PCGF6: variants seen among roughly 807,000 people sequenced by gnomAD.
PCGF6 encodes polycomb group RING finger protein 6.
PCGF6 carries 24 observed loss-of-function variants against 45.5 expected under a neutral mutation model. The observed-to-expected ratio is 0.53, with a 90% CI of 0.38 to 0.74. The LOEUF is 0.74. Among genes scored for constraint, PCGF6 ranks in the 30% least tolerant of loss-of-function variants. The pLI is 0.00. For synonymous variants in PCGF6, 152 were observed against 162.1 expected, an observed-to-expected ratio of 0.94 and a Z score of 0.47; for missense variants, 356 against 443.2, an observed-to-expected ratio of 0.80 and a Z score of 1.77.
chr10:103,310,112 G>A (rs112803498), intron 9 of PCGF6, among the ~76,000 whole-genome samples: 34 of 151,692 alleles, frequency 2.2e-4, no homozygotes, highest in African/African-American at 6.8e-4. Flanking sequence ...CACCATGCCC[G>A]GCTAATTTTT....
At chr10:103,342,471 T>C (rs1490620199) in intron 6 of PCGF6, among the ~76,000 whole-genome samples, 1 of 152,074 alleles carries the variant, frequency 6.6e-6, no homozygotes, top group Non-Finnish European at 1.5e-5. Flanking sequence ...TGACCTCGGG[T>C]AATCTGCCCG....
At chr10:103,329,665 G>A (rs1014674513) in intron 7 of PCGF6, among the ~76,000 whole-genome samples, 14 of 151,522 alleles carry the variant, frequency 9.2e-5, no homozygotes, top group Non-Finnish European at 1.9e-4. Flanking sequence ...TAGAGACAGG[G>A]TTTCACCATG....
At chr10:103,349,257 A>G (rs975942672) in intron 1 of PCGF6, among the ~76,000 whole-genome samples, 1 of 151,720 alleles carries the variant, frequency 6.6e-6, no homozygotes, top group East Asian at 1.9e-4. Context: ...CATGTTGGCC[A>G]GGCTGGTCTC....
chr10:103,345,188 A>C, intron 5 of PCGF6, 56 bp from the exon 6 acceptor site: 1 of 1,247,796 alleles, frequency 8.0e-7, no homozygotes, highest in Admixed American at 2.0e-5. Flanking sequence ...ATAAATTGAG[A>C]TCTTTGGAAA....
In PCGF6 at chr10:103,351,130, A is replaced by G. The variant is rs919043055; in HGVS notation, c.-64T>C. The stretch of plus-strand genomic sequence containing the variant: ...AGCGCGGGAGTTCGGCCGGCCTCGG[A>G]CGCCACCACTGCGCAGGCGCGGCAG... On this transcript the variant is annotated 5_prime_UTR_variant, in exon 1 of 10. Transcript: ENST00000369847. The G allele has an allele frequency of 1.2e-5, 16 of 1,319,880 alleles. No individual in the cohort carries two copies. Among genetic ancestry groups the G allele is most frequent in the Non-Finnish European group, 1.6e-5 (16 of 1,030,812 alleles). 81.8% of individuals were successfully genotyped at this position (1,319,880 alleles called of 1,614,324 possible).
Position 103,333,927 on chromosome 10 carries a change from TA to T in PCGF6, c.807del (p.Phe269LeufsTer20). 6.4e-7 allele frequency: 1 copy of T among 1,560,850 alleles called. No homozygotes were observed. Among genetic ancestry groups the T allele is most frequent in the Non-Finnish European group, 8.6e-7 (1 of 1,158,018 alleles). On this transcript the variant is annotated frameshift_variant, in exon 7 of 10. Coordinates refer to ENST00000369847, the MANE Select transcript of PCGF6 (RefSeq NM_001011663.2). LOFTEE classifies it high-confidence loss of function. ...GAATGAAAAAAAAAGTAAAATACCT[TA>T]AAATGTCCCGTGCCTTCATTAGCAC... ...FIGANEGTGH[F>X]KPLEKKFVRV...
chr10:103,323,445 C>A (rs553462583), intron 8 of PCGF6, among the ~76,000 whole-genome samples: 2 of 151,916 alleles, frequency 1.3e-5, no homozygotes, highest in Non-Finnish European at 2.9e-5. Flanking sequence ...TACAAGCATG[C>A]GCCACCACGC....
At chr10:103,339,808 AAAACACACACACACACAC>A (rs1212195423) in intron 6 of PCGF6, among the ~76,000 whole-genome samples, 28 of 78,026 alleles carry the variant, frequency 3.6e-4, no homozygotes, top group Middle Eastern at 0.012. Context: ...TCTCAAAAAA[AAAACACACACACACACAC>A]ACACACACAC....
chr10:103,342,435 T>C (rs2093284352), intron 6 of PCGF6, among the ~76,000 whole-genome samples: 1 of 152,038 alleles, frequency 6.6e-6, no homozygotes, highest in South Asian at 2.1e-4. Context: ...GGTTTCATCA[T>C]GTTGGTCAGG....
intron 7 of PCGF6, among the ~76,000 whole-genome samples, chr10:103,329,613 G>T (rs1171519113): frequency 2.0e-5 from 3 of 151,844 alleles, no homozygotes; most frequent in Non-Finnish European, 4.4e-5. Context: ...AAGTAGCTGG[G>T]ACTACAGGCG....
intron 9 of PCGF6, among the ~76,000 whole-genome samples, chr10:103,308,432 T>A (rs1485943536): frequency 1.3e-5 from 2 of 151,468 alleles, no homozygotes; most frequent in Non-Finnish European, 2.9e-5. Flanking sequence ...AGAGTCTTGC[T>A]CTGTTGCCCA....
At chr10:103,316,235 A>G (rs1334568557) in intron 8 of PCGF6, among the ~76,000 whole-genome samples, 4 of 151,966 alleles carry the variant, frequency 2.6e-5, no homozygotes, top group Non-Finnish European at 5.9e-5. Context: ...ATACCTTTCA[A>G]CTACTGCCCA....
chr10:103,332,305 A>G (rs1190014563), intron 7 of PCGF6, among the ~76,000 whole-genome samples: 2 of 152,152 alleles, frequency 1.3e-5, no homozygotes, highest in African/African-American at 4.8e-5. Context: ...TTTAAGACAG[A>G]GTCTTACTCT....
At position 103,350,692 on chromosome 10, in the gene PCGF6, G is replaced by C. The variant is rs563778297; in HGVS notation, c.360+15C>G. The C allele has an allele frequency of 6.8e-7, 1 of 1,466,926 alleles. No homozygotes were observed. The highest frequency in any genetic ancestry group is 9.1e-7 in the Non-Finnish European group (1 of 1,103,120). 90.9% of individuals were successfully genotyped at this position (1,466,926 alleles called of 1,614,324 possible). A position where few individuals can be genotyped will look rare whatever the true frequency, so the allele number is the denominator to read the frequency against. The stretch of plus-strand genomic sequence containing the variant: ...CCGCTTGGGCCCAGCGGGGTCGCGC[G>C]GGGGCTCTAAATACCTCCTCCTCGT... On this transcript the variant is annotated intron_variant, in intron 1 of 9. Transcript: ENST00000369847.
chr10:103,350,716 G>C lies in PCGF6; in HGVS notation c.351C>G (p.Asp117Glu). The C allele has an allele frequency of 2.0e-6, 3 of 1,526,130 alleles. No homozygotes were observed. Among genetic ancestry groups the C allele is most frequent in the Non-Finnish European group, 2.6e-6 (3 of 1,134,374 alleles). The allele number at this position is 1,526,130 out of a possible 1,614,324, so 94.5% of individuals were successfully genotyped here. A position where few individuals can be genotyped will look rare whatever the true frequency, so the allele number is the denominator to read the frequency against. The change falls in exon 1 of 10, where the codon GAC becomes GAG. Residue 117 changes from aspartate to glutamate, a missense_variant. Transcript: ENST00000369847. The stretch of plus-strand genomic sequence containing the variant: ...CGGGGGCTCTAAATACCTCCTCCTC[G>C]TCCTCCGAGTCCTGCCGGCCTCCCT... ...RLEGGRQDSE[D>E]EEERLINLSE...
At chr10:103,341,876 G>A (rs983498043) in intron 6 of PCGF6, among the ~76,000 whole-genome samples, 11 of 151,950 alleles carry the variant, frequency 7.2e-5, no homozygotes, top group African/African-American at 2.7e-4. Flanking sequence ...TGGCAAGTAA[G>A]ACTTGTTCCC....
chr10:103,328,814 C>T (rs1226564243), intron 7 of PCGF6, among the ~76,000 whole-genome samples: 7 of 152,012 alleles, frequency 4.6e-5, no homozygotes, highest in Admixed American at 3.9e-4. Flanking sequence ...TGCAGTGGAG[C>T]GATCGTGGCT....
chr10:103,311,447 CTTT>C (rs764380692), intron 9 of PCGF6, among the ~76,000 whole-genome samples: 8 of 137,482 alleles, frequency 5.8e-5, no homozygotes, highest in Non-Finnish European at 6.4e-5. Context: ...CGGCCTCTCT[CTTT>C]TTTTTTTTTT....
chr10:103,344,609 C>T (rs548465253), intron 6 of PCGF6, among the ~76,000 whole-genome samples: 7 of 150,940 alleles, frequency 4.6e-5, no homozygotes, highest in Non-Finnish European at 8.8e-5. Context: ...GTCGCCTAGG[C>T]TGGAGTGCAA....
Sources: gnomAD v4.1 joint callset for allele counts (sites outside exome capture counted in the v4.1 genomes callset) on GRCh38, gnomAD v4.1.1 for gene constraint, MANE v1.5 for transcripts, NCBI Gene and HGNC (gene_info 2026-07-23, HGNC 2026-07-21) for gene names.